The following COL4A1 variants were observed in gnomAD, a reference collection of about 807,000 sequenced individuals.
COL4A1 encodes the protein collagen alpha-1(IV) chain.
In COL4A1, 40 loss-of-function variants were observed where a neutral mutation model predicts 216.6. The ratio of observed to expected loss-of-function variants is 0.18; its 90% CI spans 0.14 to 0.24. The LOEUF (loss-of-function observed/expected upper bound fraction) is 0.24, where lower values mean the gene tolerates loss of function less well. COL4A1 is among the 10% of genes least tolerant of loss of function. COL4A1 has a pLI of 1.00. For missense variants in COL4A1, 1,628 were observed against 2,196.8 expected (o/e 0.74, Z 5.18); for synonymous variants, 839 against 810.7 (o/e 1.03, Z -0.59).
At chr13:110,177,742 C>A in intron 33 of COL4A1, 100 bp downstream of exon 33, 2 of 1,240,392 alleles carry the variant, frequency 1.6e-6, no homozygotes, top group Non-Finnish European at 2.4e-6. Context: ...CTTTTGTAGG[C>A]GTCTTAAAGG....
At chr13:110,230,548 G>A (rs921780606) in intron 2 of COL4A1, among the ~76,000 whole-genome samples, 1 of 14,254 alleles carries the variant, frequency 7.0e-5, no homozygotes, top group Non-Finnish European at 7.8e-3. Flanking sequence ...CGAGTGAGGT[G>A]GGACGGGTGG....
chr13:110,162,167 T>G (rs779434104), intron 48 of COL4A1, 63 bp downstream of exon 48: 12 of 1,444,680 alleles, frequency 8.3e-6, no homozygotes, highest in Non-Finnish European at 1.2e-5. Flanking sequence ...AGTCCAGCAC[T>G]GCACACCGAA....
chr13:110,219,680 GTA>G lies in COL4A1; in HGVS notation c.145-5667_145-5666del, dbSNP rs1185464385. On this transcript the variant is annotated intron_variant, in intron 2 of 51. Transcript: ENST00000375820. ...TATATATGTATATATATATATATGTGTATATATATGTATATATATGTATATAC... is the reference window on the plus strand; with the variant it reads ...TATATATGTATATATATATATATGTGTATATATGTATATATATGTATATAC... 1.6e-3 allele frequency among the ~76,000 whole-genome samples: 97 copies of G among 61,646 alleles called. 2 individuals carry two copies. The highest frequency in any genetic ancestry group is 5.8e-4 in the Non-Finnish European group (17 of 29,380). The allele number at this position is 61,646 out of a possible 152,430, so 40.4% of individuals were successfully genotyped here. A position where few individuals can be genotyped will look rare whatever the true frequency, so the allele number is the denominator to read the frequency against.
At chr13:110,183,312 G>A (rs1397458628) in intron 26 of COL4A1, 36 bp from the exon 27 acceptor site, 12 of 1,589,274 alleles carry the variant, frequency 7.6e-6, no homozygotes, top group Admixed American at 3.4e-5. Context: ...AACGATGAAG[G>A]AATGAGGACC....
At chr13:110,193,622 C>T (rs550145076) in intron 22 of COL4A1, among the ~76,000 whole-genome samples, 2 of 152,242 alleles carry the variant, frequency 1.3e-5, no homozygotes, top group Non-Finnish European at 1.5e-5. Flanking sequence ...CCAGGGACAT[C>T]GAGGCGGCGT....
intron 2 of COL4A1, among the ~76,000 whole-genome samples, chr13:110,236,327 T>C (rs1353967091): frequency 2.0e-5 from 3 of 152,268 alleles, no homozygotes; most frequent in Non-Finnish European, 4.4e-5. Flanking sequence ...ATTTATGGTA[T>C]TCCTTACAGA....
chr13:110,274,741 C>T lies in COL4A1; in HGVS notation c.85-32007G>A, dbSNP rs564943179. Among the ~76,000 whole-genome samples the T allele has an allele frequency of 4.6e-5, 7 of 152,260 alleles. No individual in the cohort carries two copies. The East Asian group carries it at 1.3e-3, about 29-fold the overall frequency. On this transcript the variant is annotated intron_variant, in intron 1 of 51. Coordinates refer to ENST00000375820, the MANE Select transcript of COL4A1 (RefSeq NM_001845.6). Reference sequence around the variant, plus strand: ...ACAGTATCCGCTCATGAGATCATAACATTGTATAGGTAGCAAGAGCTTAGG... The same window carrying T: ...ACAGTATCCGCTCATGAGATCATAATATTGTATAGGTAGCAAGAGCTTAGG...
intron 23 of COL4A1, 145 bp downstream of exon 23, chr13:110,192,684 GA>G: frequency 1.5e-6 from 1 of 662,768 alleles, no homozygotes; most frequent in Non-Finnish European, 2.6e-6. Context: ...ACAAATCCTG[GA>G]AGTGGGGCCC....
At chr13:110,281,821 A>T (rs1002970527) in intron 1 of COL4A1, among the ~76,000 whole-genome samples, 1 of 152,202 alleles carries the variant, frequency 6.6e-6, no homozygotes, top group African/African-American at 2.4e-5. Context: ...TACTCAACCC[A>T]TCTGTTTCTC....
chr13:110,181,453 C>G (rs1414899888), intron 28 of COL4A1, 64 bp from the exon 29 acceptor site: 1 of 1,423,532 alleles, frequency 7.0e-7, no homozygotes, highest in African/African-American at 1.4e-5. Flanking sequence ...TGCCGTTCCC[C>G]ACTTTCTTCA....
chr13:110,278,348 C>A (rs1161005543), intron 1 of COL4A1, among the ~76,000 whole-genome samples: 1 of 152,140 alleles, frequency 6.6e-6, no homozygotes, highest in Non-Finnish European at 1.5e-5. Context: ...ATGTATTCTG[C>A]CTTCCTAGCC....
intron 1 of COL4A1, among the ~76,000 whole-genome samples, chr13:110,298,119 A>T (rs1884349668): frequency 6.6e-6 from 1 of 151,382 alleles, no homozygotes; most frequent in African/African-American, 2.4e-5. Context: ...TGAAATAATA[A>T]AGAAGTATGA....
At chr13:110,206,615 G>C (rs201729480) in intron 15 of COL4A1, 50 bp downstream of exon 15, 18 of 1,588,672 alleles carry the variant, frequency 1.1e-5, no homozygotes, top group Non-Finnish European at 1.5e-5. Context: ...GCGATTTTCC[G>C]CATGGAAGGA....
chr13:110,246,445 G>C (rs1294650983), intron 1 of COL4A1, among the ~76,000 whole-genome samples: 1 of 151,972 alleles, frequency 6.6e-6, no homozygotes, highest in Non-Finnish European at 1.5e-5. Context: ...GGTAATGCAA[G>C]TCTTAATTCA....
intron 1 of COL4A1, among the ~76,000 whole-genome samples, chr13:110,301,585 T>A (rs1159705326): frequency 6.6e-6 from 1 of 152,186 alleles, no homozygotes; most frequent in Admixed American, 6.5e-5. Context: ...CTGGATTTTT[T>A]AAAATCCAGA....
intron 2 of COL4A1, among the ~76,000 whole-genome samples, chr13:110,230,135 G>A (rs1441507770): frequency 6.6e-6 from 1 of 151,888 alleles, no homozygotes; most frequent in Non-Finnish European, 1.5e-5. Context: ...TGGAGGGGGA[G>A]GGCTGGGAGG....
In COL4A1 at chr13:110,204,686, G is replaced by C. The variant is rs561988741; in HGVS notation, c.957+667C>G. ...TTTAGTTAGTTCCCCAACTAAAAGG[G>C]CCCTGGTCTGGCAGAAGGACTTTCT... On this transcript the variant is annotated intron_variant, in intron 17 of 51. Coordinates refer to ENST00000375820, the MANE Select transcript of COL4A1 (RefSeq NM_001845.6). Among the ~76,000 whole-genome samples, 499 of 150,088 alleles carry C rather than the reference G, an allele frequency of 3.3e-3. 1 individual carries two copies. Among genetic ancestry groups the C allele is most frequent in the African/African-American group, 0.012 (470 of 40,730 alleles).
chr13:110,200,382 C>G (rs999002516), intron 20 of COL4A1, among the ~76,000 whole-genome samples: 2 of 152,190 alleles, frequency 1.3e-5, no homozygotes, highest in African/African-American at 4.8e-5. Context: ...GGAGGCAAGG[C>G]TGGGGCTGGG....
intron 25 of COL4A1, 27 bp from the exon 26 acceptor site, chr13:110,186,580 C>T (rs370682576): frequency 6.5e-5 from 105 of 1,613,064 alleles, no homozygotes; most frequent in Middle Eastern, 4.9e-4. Flanking sequence ...AAAAAGACAC[C>T]GTTATCAGAG....
Sources: allele counts gnomAD v4.1 joint callset (sites outside exome capture counted in the v4.1 genomes callset), GRCh38; gene constraint gnomAD v4.1.1; transcripts MANE v1.5; gene names NCBI Gene and HGNC (gene_info 2026-07-23, HGNC 2026-07-21).